VPS13A: variants seen among roughly 807,000 people sequenced by gnomAD.
VPS13A encodes vacuolar protein sorting 13 homolog A.
In VPS13A, 264 loss-of-function variants were observed where a neutral mutation model predicts 390.9. The observed-to-expected ratio is 0.68, with a 90% confidence interval of 0.61 to 0.75. The LOEUF (loss-of-function observed/expected upper bound fraction) is 0.75, where lower values mean the gene tolerates loss of function less well. VPS13A is among the 30% of genes least tolerant of loss of function. The pLI is 0.00. For missense variants in VPS13A, 3,409 were observed against 3,733.9 expected (o/e 0.91, Z 2.27); for synonymous variants, 1,231 against 1,227.1 (o/e 1.00, Z -0.07).
At chr9:77,233,596 T>G (rs1823964983) in intron 17 of VPS13A, among the ~76,000 whole-genome samples, 2 of 152,188 alleles carry the variant, frequency 1.3e-5, no homozygotes, top group African/African-American at 2.4e-5. Flanking sequence ...TTTGTAATAT[T>G]GTGTTTGATT....
chr9:77,332,133 T>C lies in VPS13A; in HGVS notation c.6095+20T>C. On this transcript the variant is annotated intron_variant, in intron 46 of 71. Transcript: ENST00000360280. Reference sequence around the variant, plus strand: ...TTACCGGTATTTTGTCTTTATCATTTTATTTACTCTAAAATCTCTTGTAGA... The same window carrying C: ...TTACCGGTATTTTGTCTTTATCATTCTATTTACTCTAAAATCTCTTGTAGA... 2 of 1,565,488 alleles carry C rather than the reference T, an allele frequency of 1.3e-6. No homozygotes were observed. Among genetic ancestry groups the C allele is most frequent in the Non-Finnish European group, 1.8e-6 (2 of 1,136,524 alleles).
At chr9:77,382,186 C>A in intron 68 of VPS13A, 99 bp downstream of exon 68, 2 of 1,326,928 alleles carry the variant, frequency 1.5e-6, no homozygotes, top group South Asian at 1.5e-5. Flanking sequence ...GGGCTTTTAT[C>A]TATTTTGCTT....
intron 52 of VPS13A, among the ~76,000 whole-genome samples, chr9:77,346,453 A>G (rs926787003): frequency 6.6e-6 from 1 of 152,152 alleles, no homozygotes; most frequent in African/African-American, 2.4e-5. Flanking sequence ...TAGTTTGCAA[A>G]TATTTTCTCC....
At chr9:77,372,855 A>C (rs1378109667) in intron 67 of VPS13A, among the ~76,000 whole-genome samples, 1 of 152,156 alleles carries the variant, frequency 6.6e-6, no homozygotes, top group Admixed American at 6.6e-5. Flanking sequence ...ACAAACAGAG[A>C]GCCAAATCAT....
chr9:77,286,755 A>G (rs1000470984), intron 31 of VPS13A, among the ~76,000 whole-genome samples: 13 of 152,200 alleles, frequency 8.5e-5, no homozygotes, highest in Admixed American at 2.0e-4. Flanking sequence ...ATGGGTTCTC[A>G]GATTGAGAGT....
At chr9:77,208,619 G>T (rs138334764) in intron 5 of VPS13A, among the ~76,000 whole-genome samples, 1 of 150,566 alleles carries the variant, frequency 6.6e-6, no homozygotes, top group Admixed American at 6.6e-5. Context: ...GTGTGATCTC[G>T]GCTCACTGCA....
rs1458866037 is a variant in VPS13A, at chr9:77,302,367, CCTTTTT to C, written c.3813-547_3813-542del. Among the ~76,000 whole-genome samples, 766 of 136,090 alleles carry C rather than the reference CCTTTTT, an allele frequency of 5.6e-3. 13 individuals carry two copies. The highest frequency in any genetic ancestry group is 0.021 in the African/African-American group (736 of 35,330). The allele number at this position is 136,090 out of a possible 152,430, so 89.3% of individuals were successfully genotyped here. ...TGTATCGAAAAATACATATTTTTCC[CCTTTTT>C]TTTTTTTTTTTTTTTTGGAGACAGA... On this transcript the variant is annotated intron_variant, in intron 33 of 71. Coordinates refer to ENST00000360280, the MANE Select transcript of VPS13A (RefSeq NM_033305.3).
intron 67 of VPS13A, among the ~76,000 whole-genome samples, chr9:77,380,650 G>A (rs1043814279): frequency 6.6e-6 from 1 of 152,146 alleles, no homozygotes; most frequent in Non-Finnish European, 1.5e-5. Context: ...ATATGTATAT[G>A]CCCATGCATG....
chr9:77,407,478 A>AAAAAGAAAATC, intron 70 of VPS13A, 55 bp from the exon 71 acceptor site: 1 of 1,443,192 alleles, frequency 6.9e-7, no homozygotes, highest in Non-Finnish European at 9.7e-7. Context: ...GCATTTCTTT[A>AAAAAGAAAATC]TGGATTTTTA....
At chr9:77,227,251 C>T in intron 15 of VPS13A, 140 bp from the exon 16 acceptor site, 2 of 649,910 alleles carry the variant, frequency 3.1e-6, no homozygotes, top group Admixed American at 2.7e-5. Context: ...TTGCCAGCCC[C>T]ATTCAAACAT....
intron 22 of VPS13A, 150 bp downstream of exon 22, chr9:77,252,502 T>A: frequency 2.5e-6 from 2 of 787,334 alleles, no homozygotes; most frequent in Non-Finnish European, 4.5e-6. Context: ...TATATAAAAT[T>A]TACCATTTTG....
Position 77,339,506 on chromosome 9 carries a change from T to TTA in VPS13A, c.6379-9_6379-8insAT. On this transcript the variant is annotated splice_polypyrimidine_tract_variant and intron_variant, in intron 47 of 71. Transcript: ENST00000360280. The stretch of plus-strand genomic sequence containing the variant: ...TAAATTTTGTTTTGTTTTTTTTTTT[T>TTA]TTATTACAGGGAATTGAAAATTCGG... The TTA allele has an allele frequency of 2.0e-6, 3 of 1,526,848 alleles. No homozygotes were observed. Among genetic ancestry groups the TTA allele is most frequent in the South Asian group, 2.5e-5 (2 of 78,842 alleles). The allele number at this position is 1,526,848 out of a possible 1,614,324, so 94.6% of individuals were successfully genotyped here.
At chr9:77,282,947 C>T (rs921734368) in intron 29 of VPS13A, among the ~76,000 whole-genome samples, 1 of 149,568 alleles carries the variant, frequency 6.7e-6, no homozygotes, top group Non-Finnish European at 1.5e-5. Flanking sequence ...CAGAGAGAGA[C>T]TCTGTTTCGA....
chr9:77,290,612 T>C (rs563012045), intron 31 of VPS13A, among the ~76,000 whole-genome samples: 15 of 152,198 alleles, frequency 9.9e-5, no homozygotes, highest in Non-Finnish European at 1.8e-4. Context: ...TTGGATGTTC[T>C]GTTCAAGTTT....
At chr9:77,201,272 C>T (rs1443700896) in intron 2 of VPS13A, 93 bp from the exon 3 acceptor site, 2 of 852,000 alleles carry the variant, frequency 2.3e-6, no homozygotes, top group Admixed American at 2.1e-5. Context: ...TAAAAAATCC[C>T]TTGAAATAAT....
chr9:77,359,495 G>C, intron 58 of VPS13A, 93 bp downstream of exon 58: 1 of 1,114,240 alleles, frequency 9.0e-7, no homozygotes, highest in Middle Eastern at 2.7e-4. Flanking sequence ...ACAAGTCAAA[G>C]ATTTAAGCAT....
intron 50 of VPS13A, among the ~76,000 whole-genome samples, chr9:77,342,953 G>A (rs1208599726): frequency 6.6e-6 from 1 of 152,196 alleles, no homozygotes; most frequent in African/African-American, 2.4e-5. Flanking sequence ...GGGGGATGGA[G>A]TAGGACAAAG....
rs1221241397 is a variant in VPS13A, at chr9:77,336,802, C to CTT, written c.6096-432_6096-431dup. On this transcript the variant is annotated intron_variant, in intron 46 of 71. Coordinates refer to ENST00000360280, the MANE Select transcript of VPS13A (RefSeq NM_033305.3). ...GTTAAGATGATATCTATTTATCTAT[C>CTT]TTTTTTTTTTTTTTTTTTTTTTGAG... Among the ~76,000 whole-genome samples, 1,063 of 107,906 alleles carry CTT rather than the reference C, an allele frequency of 9.9e-3. 23 individuals carry two copies. Among genetic ancestry groups the CTT allele is most frequent in the African/African-American group, 0.027 (791 of 29,146 alleles). The allele number at this position is 107,906 out of a possible 152,430, so 70.8% of individuals were successfully genotyped here.
chr9:77,340,380 G>C, intron 49 of VPS13A, 24 bp from the exon 50 acceptor site: 2 of 1,606,788 alleles, frequency 1.2e-6, no homozygotes, highest in Non-Finnish European at 1.7e-6. Flanking sequence ...AACAGTTTTT[G>C]AGCTGTTAAT....
Sources: allele counts gnomAD v4.1 joint callset (sites outside exome capture counted in the v4.1 genomes callset), GRCh38; gene constraint gnomAD v4.1.1; transcripts MANE v1.5; gene names NCBI Gene and HGNC (gene_info 2026-07-23, HGNC 2026-07-21).